CEACAM20: variants seen among roughly 807,000 people sequenced by gnomAD.
The protein encoded by CEACAM20 is cell adhesion molecule CEACAM20.
A neutral mutation model predicts 61.2 loss-of-function variants in CEACAM20; 50 were observed. That is an observed-to-expected ratio of 0.82 (90% CI 0.65 to 1.03). CEACAM20 has a LOEUF of 1.03. Among genes scored for constraint, CEACAM20 ranks in the 50% least tolerant of loss-of-function variants. The probability of loss-of-function intolerance (pLI) is 0.00; values close to 1 mark genes in which losing one functional copy is unlikely to be tolerated. For synonymous variants in CEACAM20, 282 were observed against 287.7 expected (o/e 0.98, Z 0.20); for missense variants, 683 against 736.4 (o/e 0.93, Z 0.84).
chr19:44,529,016 T>C (rs1294023549), intron 1 of CEACAM20, among the ~76,000 whole-genome samples: 1 of 147,342 alleles, frequency 6.8e-6, no homozygotes, highest in Non-Finnish European at 1.5e-5. Context: ...TAGAGTGCTA[T>C]GGTGTCATCT....
rs1971000087 is a variant in CEACAM20, at chr19:44,511,570, C to T, written c.1611+67G>A. The T allele has an allele frequency of 4.7e-5, 68 of 1,439,146 alleles. 4 individuals carry two copies. In the South Asian group the frequency reaches 8.2e-4, roughly 17 times the overall value. 89.1% of individuals were successfully genotyped at this position (1,439,146 alleles called of 1,614,324 possible). A position where few individuals can be genotyped will look rare whatever the true frequency, so the allele number is the denominator to read the frequency against. On this transcript the variant is annotated intron_variant, in intron 10 of 11. Transcript: ENST00000614924. ...ACAAGATGATCTCTCAGGCTTATCA[C>T]ATATAAAATTTTCAGATTGTCTTTC...
intron 6 of CEACAM20, among the ~76,000 whole-genome samples, chr19:44,515,327 A>G (rs1971124804): frequency 6.6e-6 from 1 of 152,158 alleles, no homozygotes; most frequent in African/African-American, 2.4e-5. Context: ...ATCCTACAAT[A>G]TCCCCGTGAG....
intron 3 of CEACAM20, 98 bp from the exon 4 acceptor site, chr19:44,523,010 TC>T: frequency 9.5e-7 from 1 of 1,052,276 alleles, no homozygotes; most frequent in Non-Finnish European, 1.4e-6. Flanking sequence ...ATTTCCCTCC[TC>T]CCCACTCAAA....
Position 44,520,558 on chromosome 19 carries a change from G to C in CEACAM20, c.946C>G (p.Arg316Gly). The change falls in exon 5 of 12, where the codon CGG becomes GGG. Residue 316 changes from arginine to glycine, a missense_variant. Transcript: ENST00000614924. The stretch of plus-strand genomic sequence containing the variant: ...CAGGCATAGGGCCCGGTGTCATTCC[G>C]CTGGAGGCCATGGATGATTAGGGTC... ...NRTLIIHGLQ[R>G]NDTGPYACEV... 1 of 1,613,998 alleles carries C rather than the reference G, an allele frequency of 6.2e-7. No individual in the cohort carries two copies. The highest frequency in any genetic ancestry group is 8.5e-7 in the Non-Finnish European group (1 of 1,179,902).
intron 4 of CEACAM20, 98 bp from the exon 5 acceptor site, chr19:44,520,850 GTGT>G (rs1971343011): frequency 1.6e-6 from 1 of 611,002 alleles, no homozygotes; most frequent in African/African-American, 1.1e-4. Context: ...GCGTGCGTGT[GTGT>G]GTGTGTGTGT....
At chr19:44,513,334 A>G (rs762189065) in intron 6 of CEACAM20, 45 bp from the exon 7 acceptor site, 9 of 1,319,446 alleles carry the variant, frequency 6.8e-6, no homozygotes, top group Non-Finnish European at 7.6e-6. Context: ...ACACACCCTC[A>G]TCCCTGCTCC....
chr19:44,524,701 TC>T (rs1274305441), intron 2 of CEACAM20, among the ~76,000 whole-genome samples: 2 of 152,058 alleles, frequency 1.3e-5, no homozygotes, highest in African/African-American at 2.4e-5. Context: ...CACCTCAGCT[TC>T]CCAAATAGCT....
Position 44,524,074 on chromosome 19 carries a change from G to A in CEACAM20, c.384C>T (p.Val128=). The change falls in exon 3 of 12, where the codon GTC becomes GTT. Residue 128 remains valine (V), a synonymous_variant. Transcript: ENST00000614924. ...GGTAAGTCCCTGAGTCCTCCCGCTGGACAATGAGAATGGTGAGGATCTTGC... is the reference window on the plus strand; with the variant it reads ...GGTAAGTCCCTGAGTCCTCCCGCTGAACAATGAGAATGGTGAGGATCTTGC... ...KDGKILTILI[V]QREDSGTYQC... 6.3e-7 allele frequency: 1 copy of A among 1,586,384 alleles called. No individual in the cohort carries two copies. The highest frequency in any genetic ancestry group is 8.6e-7 in the Non-Finnish European group (1 of 1,166,184).
chr19:44,513,507 G>A (rs1221502032), intron 6 of CEACAM20, among the ~76,000 whole-genome samples: 2 of 145,042 alleles, frequency 1.4e-5, no homozygotes, highest in Non-Finnish European at 3.0e-5. Flanking sequence ...GGAGTGGCGT[G>A]ACCTCAGCTC....
At chr19:44,526,167 A>G (rs1881041) in intron 1 of CEACAM20, among the ~76,000 whole-genome samples, 60,153 of 151,870 alleles carry the variant, frequency 0.4, 13,429 homozygotes, top group East Asian at 0.6. Flanking sequence ...GATGTGCCCC[A>G]GGCAAGATCT....
At chr19:44,528,604 CTCTT>C (rs1384677295) in intron 1 of CEACAM20, among the ~76,000 whole-genome samples, 1 of 152,094 alleles carries the variant, frequency 6.6e-6, no homozygotes, top group African/African-American at 2.4e-5. Context: ...GTATTTCTCT[CTCTT>C]TCTCCCTGGG....
At chr19:44,518,121 AGG>A (rs1971237347) in intron 5 of CEACAM20, among the ~76,000 whole-genome samples, 2 of 72,464 alleles carry the variant, frequency 2.8e-5, no homozygotes, top group Admixed American at 1.3e-4. Flanking sequence ...GAAGGAAGGA[AGG>A]AAGGAAGGAA....
intron 1 of CEACAM20, among the ~76,000 whole-genome samples, chr19:44,526,669 G>A (rs1487541294): frequency 6.6e-6 from 1 of 152,024 alleles, no homozygotes; most frequent in Non-Finnish European, 1.5e-5. Context: ...TTGAGGACAA[G>A]AGTTCGAGAC....
intron 4 of CEACAM20, 103 bp from the exon 5 acceptor site, chr19:44,520,855 T>C: frequency 8.6e-6 from 9 of 1,044,912 alleles, no homozygotes; most frequent in Non-Finnish European, 1.3e-5. Flanking sequence ...CGTGTGTGTG[T>C]GTGTGTGTGT....
chr19:44,513,430 GT>G, intron 6 of CEACAM20, 141 bp from the exon 7 acceptor site: 2 of 432,546 alleles, frequency 4.6e-6, no homozygotes, highest in Non-Finnish European at 4.0e-6. Flanking sequence ...TCAGATTGTG[GT>G]TTTTGGTTTT....
In CEACAM20 at chr19:44,512,936, G is replaced by A. The variant is rs35216557; in HGVS notation, c.1445C>T (p.Thr482Ile). The change falls in exon 8 of 12, where the codon ACA becomes ATA. Residue 482 changes from threonine (T) to isoleucine (I), a missense_variant. By Grantham distance (89) the Thr-to-Ile change is moderately conservative. Transcript: ENST00000614924. ...TGAGGTCTCATGACTGGGGTCCTCTGTTGTTTTCCTTGAGGGCCTGAAACC... is the reference window on the plus strand; with the variant it reads ...TGAGGTCTCATGACTGGGGTCCTCTATTGTTTTCCTTGAGGGCCTGAAACC... ...RNARRPSRKT[T>I]EDPSHETSQP... 2.6e-3 allele frequency: 4,175 copies of A among 1,613,190 alleles called. 71 individuals are homozygous for A. In the African/African-American group the frequency reaches 0.039, roughly 15 times the overall value.
intron 5 of CEACAM20, among the ~76,000 whole-genome samples, chr19:44,518,493 C>G (rs958718152): frequency 1.4e-4 from 22 of 151,964 alleles, no homozygotes; most frequent in Admixed American, 1.2e-3. Context: ...AATCCCAGCA[C>G]TTTGGGAGGC....
chr19:44,525,013 T>C (rs1334885971), intron 2 of CEACAM20, 88 bp downstream of exon 2: 2 of 1,533,864 alleles, frequency 1.3e-6, no homozygotes, highest in African/African-American at 1.4e-5. Flanking sequence ...ATCAGATTCG[T>C]CCTCTGGGGA....
At chr19:44,515,620 A>G (rs1971132852) in intron 6 of CEACAM20, among the ~76,000 whole-genome samples, 1 of 152,038 alleles carries the variant, frequency 6.6e-6, no homozygotes, top group Non-Finnish European at 1.5e-5. Context: ...GTGTTTGCTG[A>G]TATTATATAT....
Sources: allele counts gnomAD v4.1 joint callset (sites outside exome capture counted in the v4.1 genomes callset), GRCh38; gene constraint gnomAD v4.1.1; transcripts MANE v1.5; gene names NCBI Gene and HGNC (gene_info 2026-07-23, HGNC 2026-07-21).